Variants in MEIS2 observed in about 807,000 individuals in gnomAD.
MEIS2 encodes the protein Meis homeobox 2.
MEIS2 carries 9 observed loss-of-function variants against 58.6 expected under a neutral mutation model. The observed-to-expected ratio is 0.15, with a 90% CI of 0.09 to 0.27. The LOEUF (loss-of-function observed/expected upper bound fraction) is 0.27, where lower values mean the gene tolerates loss of function less well. Ranked by LOEUF, MEIS2 falls within the 10% of genes least tolerant of loss-of-function variation. MEIS2 has a pLI of 1.00. For synonymous variants in MEIS2, 221 were observed against 228.4 expected (o/e 0.97, Z 0.29); for missense variants, 427 against 635.0 (o/e 0.67, Z 3.52).
chr15:37,049,509 CAG>C lies in MEIS2; in HGVS notation c.755-12552_755-12551del, dbSNP rs201732611. 8.0e-3 allele frequency among the ~76,000 whole-genome samples: 1,208 copies of C among 151,446 alleles called. 16 individuals are homozygous for C. Among genetic ancestry groups the C allele is most frequent in the African/African-American group, 0.028 (1,167 of 41,274 alleles). On this transcript the variant is annotated intron_variant, in intron 7 of 11. Coordinates refer to ENST00000561208, the MANE Select transcript of MEIS2 (RefSeq NM_170675.5). The stretch of plus-strand genomic sequence containing the variant: ...TTTTTGTTTTTGTTTTTTTTGGAGA[CAG>C]AGTCTCACTCTGTCTCCCAGGCCGG...
intron 8 of MEIS2, among the ~76,000 whole-genome samples, chr15:36,953,068 A>G (rs1196887161): frequency 6.6e-6 from 1 of 152,090 alleles, no homozygotes; most frequent in Non-Finnish European, 1.5e-5. Flanking sequence ...CCTTTTATAC[A>G]TGGGGTGGAC....
chr15:36,995,162 C>A (rs1191590717), intron 8 of MEIS2, among the ~76,000 whole-genome samples: 1 of 152,202 alleles, frequency 6.6e-6, no homozygotes, highest in Non-Finnish European at 1.5e-5. Flanking sequence ...TCTCTGTTCT[C>A]CTCCCTGATA....
chr15:37,038,004 G>A (rs1363778739), intron 7 of MEIS2, among the ~76,000 whole-genome samples: 1 of 152,210 alleles, frequency 6.6e-6, no homozygotes, highest in Non-Finnish European at 1.5e-5. Context: ...CATTAGCCTG[G>A]AGCCACACGA....
intron 8 of MEIS2, among the ~76,000 whole-genome samples, chr15:37,007,942 T>C (rs188465652): frequency 3.3e-5 from 5 of 152,318 alleles, no homozygotes; most frequent in Admixed American, 2.6e-4. Context: ...TTAATGATTT[T>C]AAAACCTAAC....
intron 8 of MEIS2, among the ~76,000 whole-genome samples, chr15:36,955,781 T>C (rs1595803164): frequency 1.3e-5 from 2 of 152,094 alleles, no homozygotes; most frequent in African/African-American, 4.8e-5. Flanking sequence ...TGAAACAGTA[T>C]GTATCTCTTG....
In MEIS2 at chr15:37,096,283, C is replaced by T. The variant is rs375137883; in HGVS notation, c.387+6G>A. The T allele has an allele frequency of 6.2e-7, 1 of 1,600,086 alleles. No homozygotes were observed. Among genetic ancestry groups the T allele is most frequent in the African/African-American group, 1.3e-5 (1 of 74,644 alleles). On this transcript the variant is annotated splice_donor_region_variant and intron_variant, in intron 3 of 11. Transcript: ENST00000561208. The stretch of plus-strand genomic sequence containing the variant: ...CCCGAAGTTGAGTGGATCAAGAAGG[C>T]TGGACCTGCTTGGCGAAGACCGCGA...
At chr15:37,027,754 A>G (rs1328049901) in intron 8 of MEIS2, among the ~76,000 whole-genome samples, 1 of 151,460 alleles carries the variant, frequency 6.6e-6, no homozygotes, top group African/African-American at 2.4e-5. Context: ...TTTTCATTCA[A>G]TTCCTTTTTT....
chr15:36,916,033 T>C (rs1170938899), intron 9 of MEIS2, among the ~76,000 whole-genome samples: 1 of 152,204 alleles, frequency 6.6e-6, no homozygotes, highest in Non-Finnish European at 1.5e-5. Context: ...GTAGCTAATG[T>C]ATATTTTAGG....
At chr15:36,917,806 G>A (rs899153434) in intron 9 of MEIS2, among the ~76,000 whole-genome samples, 1 of 152,204 alleles carries the variant, frequency 6.6e-6, no homozygotes, top group Non-Finnish European at 1.5e-5. Flanking sequence ...ATGGTGAGAA[G>A]TCCATACCAG....
intron 9 of MEIS2, among the ~76,000 whole-genome samples, chr15:36,921,119 T>C (rs2057490968): frequency 1.3e-5 from 2 of 152,168 alleles, no homozygotes; most frequent in African/African-American, 2.4e-5. Context: ...ATGCAGCCCC[T>C]GTAGAATAAA....
Position 36,907,924 on chromosome 15 carries a change from A to G in MEIS2, c.978-11238T>C, listed in dbSNP as rs1026489007. 1.1e-4 allele frequency among the ~76,000 whole-genome samples: 3 copies of G among 28,266 alleles called. No homozygotes were observed. In the South Asian group the frequency reaches 1.9e-3, roughly 18 times the overall value. 18.5% of individuals were successfully genotyped at this position (28,266 alleles called of 152,430 possible). On this transcript the variant is annotated intron_variant, in intron 9 of 11. Transcript: ENST00000561208. ...ATACTGGCATCTAGTAAAGGTGCCA[A>G]TGGGGAAAAAAAAATCAAAGATCTA...
chr15:36,891,923 T>C lies in MEIS2; in HGVS notation c.*250A>G. On this transcript the variant is annotated 3_prime_UTR_variant, in exon 12 of 12. Coordinates refer to ENST00000561208, the MANE Select transcript of MEIS2 (RefSeq NM_170675.5). ...TTTAACTTAGTTCCTATATTTATAC[T>C]ACAGTAGTTATAACTCTCGGAGTCT... 1.8e-6 allele frequency: 1 copy of C among 553,810 alleles called. No individual in the cohort carries two copies. 34.3% of individuals were successfully genotyped at this position (553,810 alleles called of 1,614,324 possible).
chr15:37,034,181 A>G (rs969757062), intron 8 of MEIS2, among the ~76,000 whole-genome samples: 6 of 152,220 alleles, frequency 3.9e-5, no homozygotes, highest in African/African-American at 1.4e-4. Flanking sequence ...TGCTCTGACT[A>G]AATGTCCTTG....
At chr15:37,082,418 A>T (rs1439586105) in intron 7 of MEIS2, among the ~76,000 whole-genome samples, 1 of 152,112 alleles carries the variant, frequency 6.6e-6, no homozygotes, top group Non-Finnish European at 1.5e-5. Context: ...GGGTGGTGGG[A>T]AGGATGGAGT....
chr15:37,099,077 G>A, intron 1 of MEIS2: 3 of 988,532 alleles, frequency 3.0e-6, no homozygotes, highest in Non-Finnish European at 3.6e-6. Flanking sequence ...GCGAGCCACG[G>A]CGGCAGCGGC....
chr15:36,968,071 T>G (rs1194774), intron 8 of MEIS2, among the ~76,000 whole-genome samples: 32,859 of 152,070 alleles, frequency 0.22, 4,416 homozygotes, highest in Non-Finnish European at 0.31. Flanking sequence ...CCTCAGAGAA[T>G]AGCCTGAACT....
At position 36,889,861 on chromosome 15, in the gene MEIS2, T is replaced by G. The variant is rs1246625011; in HGVS notation, c.*2312A>C. The G allele has an allele frequency of 6.6e-6, 1 of 152,222 alleles. No individual in the cohort carries two copies. Among genetic ancestry groups the G allele is most frequent in the Non-Finnish European group, 1.5e-5 (1 of 68,032 alleles). The allele number at this position is 152,222 out of a possible 1,614,324, so 9.4% of individuals were successfully genotyped here. Reference sequence around the variant, plus strand: ...AGAATAGCAAAAATGAGAGGGAAGCTATCTCTCTTTCCCAAGTGGCACTGA... The same window carrying G: ...AGAATAGCAAAAATGAGAGGGAAGCGATCTCTCTTTCCCAAGTGGCACTGA... On this transcript the variant is annotated 3_prime_UTR_variant, in exon 12 of 12. Transcript: ENST00000561208.
intron 8 of MEIS2, among the ~76,000 whole-genome samples, chr15:37,020,154 A>G (rs2141670263): frequency 6.6e-6 from 1 of 152,236 alleles, no homozygotes; most frequent in Non-Finnish European, 1.5e-5. Flanking sequence ...GCTGTGAATT[A>G]TGAATCGGGT....
At chr15:36,972,500 G>T (rs949733311) in intron 8 of MEIS2, among the ~76,000 whole-genome samples, 1 of 152,038 alleles carries the variant, frequency 6.6e-6, no homozygotes, top group Non-Finnish European at 1.5e-5. Flanking sequence ...CAAGTGATCC[G>T]CCCACCTTGG....
Sources: allele counts gnomAD v4.1 joint callset (sites outside exome capture counted in the v4.1 genomes callset), GRCh38; gene constraint gnomAD v4.1.1; transcripts MANE v1.5; gene names NCBI Gene and HGNC (gene_info 2026-07-23, HGNC 2026-07-21).